The following CALHM1 variants were observed in gnomAD, a reference collection of about 807,000 sequenced individuals.
CALHM1 encodes calcium homeostasis modulator 1.
Under a neutral mutation model 14.8 loss-of-function variants are expected in CALHM1, and 11 were observed. The observed-to-expected ratio is 0.74, with a 90% confidence interval of 0.47 to 1.23. The LOEUF (loss-of-function observed/expected upper bound fraction) is 1.23, where lower values mean the gene tolerates loss of function less well. CALHM1 is among the 50% of genes most tolerant of loss of function. The pLI, the probability that CALHM1 is intolerant of heterozygous loss-of-function variation, is 0.00. For synonymous variants in CALHM1, 215 were observed against 218.9 expected (o/e 0.98, Z 0.16); for missense variants, 458 against 496.4 (o/e 0.92, Z 0.74).
rs1472001865 is a variant in CALHM1, at chr10:103,458,487, G to A, written c.265C>T (p.Arg89Trp). 34 of 1,612,860 alleles carry A rather than the reference G, an allele frequency of 2.1e-5. No individual in the cohort carries two copies. The highest frequency in any genetic ancestry group is 2.8e-5 in the Non-Finnish European group (33 of 1,179,900). ...AEEWKRPLGR[R>W]AKDPAVLRYM... ...CGCAACACAGCGGGGTCCTTGGCCC[G>A]GCGGCCCAGCGGCCGCTTCCACTCT... The change falls in exon 1 of 2, where the codon CGG becomes TGG. Residue 89 changes from arginine (R) to tryptophan (W), a missense_variant. Physicochemically the swap from Arg to Trp is moderately radical, Grantham distance 101 (BLOSUM62 -3). Transcript: ENST00000329905. The surrounding 1 kb of genome is among the most constrained non-coding windows in gnomAD (Gnocchi z 4.9).
Position 103,458,090 on chromosome 10 carries a change from G to A in CALHM1, c.555+107C>T, listed in dbSNP as rs992308889. ...GGGAAGATGCCCCCCACACCTCGGA[G>A]CTCCACCTGAGCAGAGGCCCCATTT... On this transcript the variant is annotated intron_variant, in intron 1 of 1. Transcript: ENST00000329905. The surrounding 1 kb of genome is among the most constrained non-coding windows in gnomAD (Gnocchi z 4.9). 2 of 1,330,154 alleles carry A rather than the reference G, an allele frequency of 1.5e-6. No individual in the cohort carries two copies. Among genetic ancestry groups the A allele is most frequent in the African/African-American group, 2.9e-5 (2 of 68,816 alleles). The allele number at this position is 1,330,154 out of a possible 1,614,324, so 82.4% of individuals were successfully genotyped here.
At position 103,455,624 on chromosome 10, in the gene CALHM1, C is replaced by G; in HGVS notation, c.679G>C (p.Glu227Gln). 1 of 1,613,854 alleles carries G rather than the reference C, an allele frequency of 6.2e-7. No individual in the cohort carries two copies. The highest frequency in any genetic ancestry group is 8.5e-7 in the Non-Finnish European group (1 of 1,180,032). ...SKYWSHYIDI[E>Q]RKLFDETCTE... ...CACGTCTCGTCGAAGAGCTTGCGCT[C>G]GATGTCGATATAGTGGGACCAGTAC... Residue 227 changes from glutamate (E) to glutamine (Q), a missense_variant, in exon 2 of 2, where the codon GAG (glutamate) becomes CAG (glutamine). By Grantham distance (29) the Glu-to-Gln change is conservative (BLOSUM62 2). Transcript: ENST00000329905.
At position 103,458,580 on chromosome 10, in the gene CALHM1, G is replaced by A; in HGVS notation, c.172C>T (p.Leu58=). The change falls in exon 1 of 2, where the codon CTG becomes TTG. Residue 58 remains leucine, a synonymous_variant. Coordinates refer to ENST00000329905, the MANE Select transcript of CALHM1 (RefSeq NM_001001412.4). This position sits in a 1 kb window ranked among gnomAD's most constrained non-coding sequence, Gnocchi z 4.9. ...YNAAYSAGIL[L]APPLVLFLLG... Reference sequence around the variant, plus strand: ...AGAAAGAGCACCAGGGGTGGCGCCAGCAGGATGCCCGCGCTGTAGGCTGCA... The same window carrying A: ...AGAAAGAGCACCAGGGGTGGCGCCAACAGGATGCCCGCGCTGTAGGCTGCA... 6 of 1,613,942 alleles carry A rather than the reference G, an allele frequency of 3.7e-6. No homozygotes were observed. Among genetic ancestry groups the A allele is most frequent in the Non-Finnish European group, 5.1e-6 (6 of 1,180,044 alleles).
At position 103,454,554 on chromosome 10, in the gene CALHM1, T is replaced by G. The variant is rs1272673141; in HGVS notation, c.*708A>C. The G allele has an allele frequency of 1.3e-5, 2 of 152,230 alleles. No individual in the cohort carries two copies. The highest frequency in any genetic ancestry group is 4.8e-5 in the African/African-American group (2 of 41,444). 9.4% of individuals were successfully genotyped at this position (152,230 alleles called of 1,614,324 possible). A position where few individuals can be genotyped will look rare whatever the true frequency, so the allele number is the denominator to read the frequency against. The stretch of plus-strand genomic sequence containing the variant: ...GTGACGGGGGTATTAAGGTGGTTTT[T>G]CAAAGACCCCTCTACAGGAGGACTT... On this transcript the variant is annotated 3_prime_UTR_variant, in exon 2 of 2. Coordinates refer to ENST00000329905, the MANE Select transcript of CALHM1 (RefSeq NM_001001412.4).
Position 103,455,620 on chromosome 10 carries a change from C to A in CALHM1, c.683G>T (p.Arg228Leu). 6.2e-7 allele frequency: 1 copy of A among 1,613,872 alleles called. No homozygotes were observed. Among genetic ancestry groups the A allele is most frequent in the Non-Finnish European group, 8.5e-7 (1 of 1,180,034 alleles). The change falls in exon 2 of 2, where the codon CGC (arginine) becomes CTC (leucine). Residue 228 changes from arginine (R) to leucine (L), a missense_variant. Coordinates refer to ENST00000329905, the MANE Select transcript of CALHM1 (RefSeq NM_001001412.4). ...KYWSHYIDIE[R>L]KLFDETCTEH... ...CGTGCACGTCTCGTCGAAGAGCTTGCGCTCGATGTCGATATAGTGGGACCA... is the reference window on the plus strand; with the variant it reads ...CGTGCACGTCTCGTCGAAGAGCTTGAGCTCGATGTCGATATAGTGGGACCA...
In CALHM1 at chr10:103,458,801, G is replaced by T; in HGVS notation, c.-50C>A. The T allele has an allele frequency of 6.5e-7, 1 of 1,535,914 alleles. No individual in the cohort carries two copies. The highest frequency in any genetic ancestry group is 8.7e-7 in the Non-Finnish European group (1 of 1,144,738). On this transcript the variant is annotated 5_prime_UTR_variant, in exon 1 of 2. Transcript: ENST00000329905. This position sits in a 1 kb window ranked among gnomAD's most constrained non-coding sequence, Gnocchi z 4.9. ...CTTCCCAACTCACTGCTGCCTCCAA[G>T]AGGGCCCCTGCTGCCCACCCTGCCC...
At chr10:103,455,984 C>T (rs77219233) in intron 1 of CALHM1, among the ~76,000 whole-genome samples, 4,338 of 152,350 alleles carry the variant, frequency 0.028, 135 homozygotes, top group African/African-American at 0.075. Context: ...ACCGTGCTGG[C>T]GGGGCACCCA....
Position 103,453,366 on chromosome 10 carries a change from AAATAATTTTT to A in CALHM1, c.*1886_*1895del, listed in dbSNP as rs2033087145. 1 of 152,006 alleles carries A rather than the reference AAATAATTTTT, an allele frequency of 6.6e-6. No individual in the cohort carries two copies. The highest frequency in any genetic ancestry group is 2.4e-5 in the African/African-American group (1 of 41,386). The allele number at this position is 152,006 out of a possible 1,614,324, so 9.4% of individuals were successfully genotyped here. On this transcript the variant is annotated 3_prime_UTR_variant, in exon 2 of 2. Coordinates refer to ENST00000329905, the MANE Select transcript of CALHM1 (RefSeq NM_001001412.4). ...TCCTGAAAATCAGGTCTTTTTTAAAAAATAATTTTTTCATTTTAAAAAAATTATAAATCTT... is the reference window on the plus strand; with the variant it reads ...TCCTGAAAATCAGGTCTTTTTTAAAATCATTTTAAAAAAATTATAAATCTT...
chr10:103,458,159 G>A lies in CALHM1; in HGVS notation c.555+38C>T. ...GGCCCTCCCAGAGGGACCTTGATCTGCCAGGGAGACCCAGCGTGAAGCCAT... is the reference window on the plus strand; with the variant it reads ...GGCCCTCCCAGAGGGACCTTGATCTACCAGGGAGACCCAGCGTGAAGCCAT... On this transcript the variant is annotated intron_variant, in intron 1 of 1. Coordinates refer to ENST00000329905, the MANE Select transcript of CALHM1 (RefSeq NM_001001412.4). This position sits in a 1 kb window ranked among gnomAD's most constrained non-coding sequence, Gnocchi z 4.9. The A allele has an allele frequency of 3.1e-6, 5 of 1,607,234 alleles. No homozygotes were observed. Among genetic ancestry groups the A allele is most frequent in the Non-Finnish European group, 4.2e-6 (5 of 1,177,990 alleles).
rs1329732185 is a variant in CALHM1 at position 103,455,267 on chromosome 10, C to G, written c.1036G>C (p.Val346Leu). Reference protein sequence around the residue: ...RKEVATYFSKV With the variant: ...RKEVATYFSKL ...CCTCTTCAGCTGGCCACACCTCACA[C>G]TTTGCTGAAGTAGGTGGCCACCTCC... The change falls in exon 2 of 2, where the codon GTG (valine) becomes CTG (leucine). Residue 346 changes from valine to leucine, a missense_variant. By Grantham distance (32) the Val-to-Leu change is conservative (BLOSUM62 1). Coordinates refer to ENST00000329905, the MANE Select transcript of CALHM1 (RefSeq NM_001001412.4). The G allele has an allele frequency of 1.2e-6, 2 of 1,600,280 alleles. No homozygotes were observed. Among genetic ancestry groups the G allele is most frequent in the Non-Finnish European group, 1.7e-6 (2 of 1,173,160 alleles).
rs1046609544 is a variant in CALHM1, at chr10:103,458,694, T to C, written c.58A>G (p.Met20Val). ...QFLQSNQESF[M>V]NGICGIMALA... Reference sequence around the variant, plus strand: ...GCCATGATGCCACAGATGCCATTCATGAAGGACTCCTGGTTGGACTGCAGG... The same window carrying C: ...GCCATGATGCCACAGATGCCATTCACGAAGGACTCCTGGTTGGACTGCAGG... The change falls in exon 1 of 2, where the codon ATG (methionine) becomes GTG (valine). Residue 20 changes from methionine (M) to valine (V), a missense_variant. By Grantham distance (21) the Met-to-Val change is conservative. Transcript: ENST00000329905. This position sits in a 1 kb window ranked among gnomAD's most constrained non-coding sequence, Gnocchi z 4.9. 2 of 1,613,992 alleles carry C rather than the reference T, an allele frequency of 1.2e-6. No homozygotes were observed. The highest frequency in any genetic ancestry group is 2.2e-5 in the East Asian group (1 of 44,882).
At position 103,455,725 on chromosome 10, in the gene CALHM1, A is replaced by G; in HGVS notation, c.578T>C (p.Leu193Pro). 1 of 1,612,700 alleles carries G rather than the reference A, an allele frequency of 6.2e-7. No homozygotes were observed. The highest frequency in any genetic ancestry group is 8.5e-7 in the Non-Finnish European group (1 of 1,179,702). Residue 193 changes from leucine (L) to proline (P), a missense_variant, in exon 2 of 2, where the codon CTG (leucine) becomes CCG (proline). Transcript: ENST00000329905. Reference protein sequence around the residue: ...ISQALGWSFVLLTTLLAFVVR... With the variant: ...ISQALGWSFVPLTTLLAFVVR... ...CACGAATGCCAGCAGAGTGGTCAGC[A>G]GCACGAAGGACCAGCCCAGCGCCTG...
chr10:103,456,571 G>C lies in CALHM1; in HGVS notation c.556-824C>G, dbSNP rs531405153. Among the ~76,000 whole-genome samples the C allele has an allele frequency of 1.4e-4, 21 of 152,364 alleles. 1 individual carries two copies. Among genetic ancestry groups the C allele is most frequent in the South Asian group, 8.3e-4 (4 of 4,828 alleles). ...CCCAGCCGCACAGAGAAGCACTTGG[G>C]CAGATCAGGACTGGGGCTGAGGGCA... On this transcript the variant is annotated intron_variant, in intron 1 of 1. Coordinates refer to ENST00000329905, the MANE Select transcript of CALHM1 (RefSeq NM_001001412.4).
At chr10:103,457,650 G>A (rs2033166008) in intron 1 of CALHM1, among the ~76,000 whole-genome samples, 1 of 152,168 alleles carries the variant, frequency 6.6e-6, no homozygotes, top group African/African-American at 2.4e-5. Context: ...AGTAGGGCTG[G>A]GGAGGACCCT....
intron 1 of CALHM1, among the ~76,000 whole-genome samples, chr10:103,457,649 G>C (rs985368791): frequency 5.9e-5 from 9 of 152,154 alleles, no homozygotes; most frequent in African/African-American, 1.9e-4. Flanking sequence ...GAGTAGGGCT[G>C]GGGAGGACCC....
rs2033109104 is a variant in CALHM1 at position 103,454,106 on chromosome 10, G to A, written c.*1156C>T. The A allele has an allele frequency of 6.6e-6, 1 of 152,230 alleles. No homozygotes were observed. Among genetic ancestry groups the A allele is most frequent in the African/African-American group, 2.4e-5 (1 of 41,458 alleles). The allele number at this position is 152,230 out of a possible 1,614,324, so 9.4% of individuals were successfully genotyped here. A position where few individuals can be genotyped will look rare whatever the true frequency, so the allele number is the denominator to read the frequency against. ...TCATCCCTGCCCAGGGGAGGAGGAA[G>A]GAAGTCCTTAGGTTCAGAAATCAAC... is the stretch of plus-strand genomic sequence containing the variant. On this transcript the variant is annotated 3_prime_UTR_variant, in exon 2 of 2. Transcript: ENST00000329905.
rs1241980263 is a variant in CALHM1, at chr10:103,458,376, G to A, written c.376C>T (p.Leu126Phe). Residue 126 changes from leucine (L) to phenylalanine (F), a missense_variant, in exon 1 of 2, where the codon CTC (leucine) becomes TTC (phenylalanine). Leu to Phe is a conservative substitution (Grantham distance 22). Transcript: ENST00000329905. The surrounding 1 kb of genome is among the most constrained non-coding windows in gnomAD (Gnocchi z 4.9). ...GGCACGGCAGTGCAGAAGGCACAGA[G>A]GAAGCATTTGCCGTCGAGTAGCGTG... ...AVTLLDGKCF[L>F]CAFCTAVPVS... The A allele has an allele frequency of 2.5e-6, 4 of 1,609,768 alleles. No homozygotes were observed. The South Asian group carries it at 3.3e-5, about 13-fold the overall frequency.
intron 1 of CALHM1, among the ~76,000 whole-genome samples, chr10:103,457,509 G>C (rs558448512): frequency 6.6e-6 from 1 of 152,174 alleles, no homozygotes; most frequent in Non-Finnish European, 1.5e-5. Flanking sequence ...CCAGCCCCTC[G>C]CCCTGACAGC....
chr10:103,456,386 T>C (rs900840722), intron 1 of CALHM1, among the ~76,000 whole-genome samples: 1 of 152,220 alleles, frequency 6.6e-6, no homozygotes, highest in Non-Finnish European at 1.5e-5. Context: ...CTCCTCTGTG[T>C]CGGTTCTGAG....
Sources: gnomAD v4.1 joint callset for allele counts (sites outside exome capture counted in the v4.1 genomes callset) on GRCh38, gnomAD v4.1.1 for gene constraint, Gnocchi (gnomAD v3.1) non-coding constraint, MANE v1.5 for transcripts, NCBI Gene and HGNC (gene_info 2026-07-23, HGNC 2026-07-21) for gene names.